ZRANB3: variants seen among roughly 807,000 people sequenced by gnomAD.
ZRANB3 encodes the protein zinc finger RANBP2-type containing 3, also known as DNA annealing helicase and endonuclease ZRANB3.
Under a neutral mutation model 133.8 loss-of-function variants are expected in ZRANB3, and 125 were observed. That is an observed-to-expected ratio of 0.93 (90% CI 0.81 to 1.08). The LOEUF is 1.08. Among genes scored for constraint, ZRANB3 ranks in the 50% least tolerant of loss-of-function variants. The pLI, the probability that ZRANB3 is intolerant of heterozygous loss-of-function variation, is 0.00. For synonymous variants in ZRANB3, 387 were observed against 432.7 expected, an observed-to-expected ratio of 0.89 and a Z score of 1.31; for missense variants, 1,229 against 1,275.5, an observed-to-expected ratio of 0.96 and a Z score of 0.56.
chr2:135,327,757 T>C (rs1558919538), intron 6 of ZRANB3, among the ~76,000 whole-genome samples: 1 of 152,162 alleles, frequency 6.6e-6, no homozygotes, highest in African/African-American at 2.4e-5. Flanking sequence ...CATACTATCA[T>C]CTGCCTTGTA....
At position 135,410,473 on chromosome 2, in the gene ZRANB3, A is replaced by T. The variant is rs184507258; in HGVS notation, c.162-19653T>A. On this transcript the variant is annotated intron_variant, in intron 2 of 20. Transcript: ENST00000264159. Reference sequence around the variant, plus strand: ...ACTGGAACTCTACATATCACCATATATAAAAATTAACTCAAGATGGTTTAA... The same window carrying T: ...ACTGGAACTCTACATATCACCATATTTAAAAATTAACTCAAGATGGTTTAA... 1.3e-5 allele frequency among the ~76,000 whole-genome samples: 2 copies of T among 152,350 alleles called. 1 individual carries two copies. Among genetic ancestry groups the T allele is most frequent in the Non-Finnish European group, 2.9e-5 (2 of 68,034 alleles).
At chr2:135,454,681 C>T (rs1690417900) in intron 2 of ZRANB3, among the ~76,000 whole-genome samples, 1 of 152,156 alleles carries the variant, frequency 6.6e-6, no homozygotes, top group Non-Finnish European at 1.5e-5. Context: ...TAAGTGAGAA[C>T]ATTTGGTATT....
intron 2 of ZRANB3, among the ~76,000 whole-genome samples, chr2:135,483,168 AT>A (rs1270584748): frequency 2.0e-5 from 3 of 151,366 alleles, no homozygotes. Flanking sequence ...TTTTCTATTG[AT>A]TGGAATAGTT....
At position 135,516,744 on chromosome 2, in the gene ZRANB3, T is replaced by C. The variant is rs888825753; in HGVS notation, c.-7-12248A>G. The stretch of plus-strand genomic sequence containing the variant: ...TCAACCTTGGTGAATCTGACAATTA[T>C]GTGTCTTGTGGTTGCTCTTCTCAAG... On this transcript the variant is annotated intron_variant, in intron 1 of 20. Coordinates refer to ENST00000264159, the MANE Select transcript of ZRANB3 (RefSeq NM_032143.4). Among the ~76,000 whole-genome samples, 153 of 152,286 alleles carry C rather than the reference T, an allele frequency of 1.0e-3. 1 individual carries two copies. Among genetic ancestry groups the C allele is most frequent in the African/African-American group, 3.5e-3 (145 of 41,556 alleles).
intron 12 of ZRANB3, among the ~76,000 whole-genome samples, chr2:135,233,831 G>A (rs1695153772): frequency 6.6e-6 from 1 of 152,168 alleles, no homozygotes; most frequent in Non-Finnish European, 1.5e-5. Flanking sequence ...ACAAGCCACT[G>A]CAAAAACATG....
At chr2:135,443,532 A>T (rs927263984) in intron 2 of ZRANB3, among the ~76,000 whole-genome samples, 4 of 152,094 alleles carry the variant, frequency 2.6e-5, no homozygotes, top group African/African-American at 4.8e-5. Context: ...TAAAGTATTT[A>T]AAAAAAGAAA....
At chr2:135,366,632 TTTAAA>T (rs1685951122) in intron 3 of ZRANB3, among the ~76,000 whole-genome samples, 1 of 152,096 alleles carries the variant, frequency 6.6e-6, no homozygotes, top group African/African-American at 2.4e-5. Context: ...AAATTTGCTG[TTTAAA>T]TTGAGTTAGG....
At chr2:135,206,027 G>C (rs947739472) in intron 19 of ZRANB3, among the ~76,000 whole-genome samples, 12 of 152,070 alleles carry the variant, frequency 7.9e-5, no homozygotes, top group African/African-American at 2.9e-4. Context: ...AGAAAATTGG[G>C]GGAACAGAAG....
At chr2:135,429,532 AT>A (rs1268929594) in intron 2 of ZRANB3, among the ~76,000 whole-genome samples, 1 of 152,214 alleles carries the variant, frequency 6.6e-6, no homozygotes, top group Non-Finnish European at 1.5e-5. Context: ...TTTAAAAAAA[AT>A]AACTTGCAAC....
intron 2 of ZRANB3, among the ~76,000 whole-genome samples, chr2:135,451,486 T>C (rs1690264479): frequency 6.6e-6 from 1 of 151,544 alleles, no homozygotes; most frequent in African/African-American, 2.4e-5. Flanking sequence ...CATTTAAACC[T>C]GGGAGGCGGA....
At chr2:135,281,606 G>A (rs1445645092) in intron 8 of ZRANB3, among the ~76,000 whole-genome samples, 1 of 152,122 alleles carries the variant, frequency 6.6e-6, no homozygotes, top group Non-Finnish European at 1.5e-5. Context: ...GCTATAATAG[G>A]AGCTGTTGAG....
chr2:135,239,782 T>C (rs757579622), intron 12 of ZRANB3, among the ~76,000 whole-genome samples: 7 of 150,318 alleles, frequency 4.7e-5, no homozygotes, highest in Non-Finnish European at 7.4e-5. Flanking sequence ...AGGTCAGGAG[T>C]TTGAGACCAG....
intron 1 of ZRANB3, among the ~76,000 whole-genome samples, chr2:135,505,511 T>C (rs756909475): frequency 3.3e-5 from 5 of 151,918 alleles, no homozygotes; most frequent in East Asian, 1.9e-4. Flanking sequence ...GAGGCAGAGG[T>C]TGCAGTGAGC....
chr2:135,353,741 C>G, intron 3 of ZRANB3, 113 bp from the exon 4 acceptor site: 11 of 714,452 alleles, frequency 1.5e-5, no homozygotes, highest in Non-Finnish European at 2.2e-5. Context: ...TGGCTCATGA[C>G]TGTAATCCCA....
At chr2:135,327,978 T>C (rs994499597) in intron 6 of ZRANB3, among the ~76,000 whole-genome samples, 1 of 152,168 alleles carries the variant, frequency 6.6e-6, no homozygotes, top group Admixed American at 6.6e-5. Flanking sequence ...CATCCTTCTT[T>C]ATGTACTTAA....
chr2:135,530,024 G>A (rs1220504088), intron 1 of ZRANB3, among the ~76,000 whole-genome samples: 1 of 151,122 alleles, frequency 6.6e-6, no homozygotes, highest in Non-Finnish European at 1.5e-5. Context: ...TCAGGAGATC[G>A]AGACCATCCT....
chr2:135,337,221 T>C (rs927377517), intron 6 of ZRANB3, among the ~76,000 whole-genome samples: 41 of 152,122 alleles, frequency 2.7e-4, no homozygotes, highest in African/African-American at 9.2e-4. Flanking sequence ...TGCTTCTTTG[T>C]TCATATTCAG....
At chr2:135,426,013 C>T (rs1484300588) in intron 2 of ZRANB3, among the ~76,000 whole-genome samples, 1 of 151,948 alleles carries the variant, frequency 6.6e-6, no homozygotes, top group Admixed American at 6.6e-5. Context: ...GAGGACATTA[C>T]CATTGACCCC....
chr2:135,407,143 T>C (rs1688076836), intron 2 of ZRANB3, among the ~76,000 whole-genome samples: 1 of 152,092 alleles, frequency 6.6e-6, no homozygotes, highest in African/African-American at 2.4e-5. Flanking sequence ...ACAAAATCAA[T>C]GTGCAAAAAT....
Sources: allele counts gnomAD v4.1 joint callset (sites outside exome capture counted in the v4.1 genomes callset), GRCh38; gene constraint gnomAD v4.1.1; transcripts MANE v1.5; gene names NCBI Gene and HGNC (gene_info 2026-07-23, HGNC 2026-07-21).